ERC1: variants seen among roughly 807,000 people sequenced by gnomAD.
ERC1 encodes the protein RAB6 interacting protein 2.
A neutral mutation model predicts 132.0 loss-of-function variants in ERC1; 56 were observed. That is an observed-to-expected ratio of 0.42 (90% CI 0.34 to 0.53). The LOEUF (loss-of-function observed/expected upper bound fraction) is 0.53. Among genes scored for constraint, ERC1 ranks in the 20% least tolerant of loss-of-function variants. The pLI, the probability that ERC1 is intolerant of heterozygous loss-of-function variation, is 0.03. For missense variants in ERC1, 1,202 were observed against 1,349.9 expected (o/e 0.89, Z 1.72); for synonymous variants, 478 against 476.1 (o/e 1.00, Z -0.05).
intron 2 of ERC1, among the ~76,000 whole-genome samples, chr12:1,033,097 C>T (rs972176665): frequency 3.3e-5 from 5 of 150,736 alleles, no homozygotes; most frequent in Non-Finnish European, 5.9e-5. Flanking sequence ...AGTGTGGTGG[C>T]GTGATCTCGG....
intron 16 of ERC1, among the ~76,000 whole-genome samples, chr12:1,407,243 C>G (rs997208507): frequency 6.6e-6 from 1 of 151,844 alleles, no homozygotes; most frequent in Non-Finnish European, 1.5e-5. Context: ...TTTTAAGACT[C>G]GAATTGTTTA....
intron 8 of ERC1, among the ~76,000 whole-genome samples, chr12:1,166,076 T>A (rs61914298): frequency 0.2 from 30,498 of 152,080 alleles, 3,627 homozygotes; most frequent in Non-Finnish European, 0.27. Context: ...GGGATATTGG[T>A]TTTGAAATGT....
intron 8 of ERC1, among the ~76,000 whole-genome samples, chr12:1,164,133 G>T (rs1403115323): frequency 1.3e-5 from 2 of 152,192 alleles, no homozygotes; most frequent in African/African-American, 4.8e-5. Context: ...AGAAGCAGAA[G>T]CTGCTTGGTC....
At chr12:1,444,422 T>C (rs944989450) in intron 17 of ERC1, 140 bp from the exon 18 acceptor site, 1 of 596,048 alleles carries the variant, frequency 1.7e-6, no homozygotes, top group East Asian at 2.9e-5. Context: ...TCCTGAAGAT[T>C]TCAGTAGTGA....
intron 13 of ERC1, among the ~76,000 whole-genome samples, chr12:1,256,259 A>G (rs1002566123): frequency 4.7e-5 from 7 of 147,906 alleles, no homozygotes; most frequent in African/African-American, 1.5e-4. Flanking sequence ...GTAATTTAAA[A>G]TTAGACTCTG....
chr12:1,112,350 C>CA, intron 6 of ERC1, 52 bp downstream of exon 6: 13 of 1,317,498 alleles, frequency 9.9e-6, no homozygotes, highest in Non-Finnish European at 1.3e-5. Flanking sequence ...ACAGTGGGAC[C>CA]CTGCTAGCTC....
chr12:1,034,409 C>T (rs933704121), intron 2 of ERC1, among the ~76,000 whole-genome samples: 7 of 151,370 alleles, frequency 4.6e-5, no homozygotes, highest in African/African-American at 7.3e-5. Context: ...GACCTTGTCT[C>T]TTAAAAATAA....
chr12:1,153,005 G>A (rs1272493063), intron 8 of ERC1: 1 of 152,298 alleles, frequency 6.6e-6, no homozygotes, highest in African/African-American at 2.4e-5. Flanking sequence ...TAGTATCGAG[G>A]GATCCGTTGG....
chr12:1,199,629 T>A (rs1006245925), intron 12 of ERC1, among the ~76,000 whole-genome samples: 11 of 151,204 alleles, frequency 7.3e-5, no homozygotes, highest in African/African-American at 2.7e-4. Context: ...AAAAAAAAAA[T>A]TAGCCGGGCA....
At chr12:1,381,100 C>T (rs140269961) in intron 16 of ERC1, 1 of 152,202 alleles carries the variant, frequency 6.6e-6, no homozygotes, top group African/African-American at 2.4e-5. Context: ...CAAAACACAT[C>T]TGTGTTAGGC....
chr12:1,424,860 AGATC>A (rs1241637517), intron 17 of ERC1, among the ~76,000 whole-genome samples: 5,358 of 106,174 alleles, frequency 0.05, 107 homozygotes, highest in African/African-American at 0.059. Context: ...ATAGATAGAT[AGATC>A]GATAGATAGA....
chr12:1,409,551 TATA>T (rs748907419), intron 17 of ERC1, among the ~76,000 whole-genome samples: 11 of 152,294 alleles, frequency 7.2e-5, no homozygotes, highest in Non-Finnish European at 1.0e-4. Flanking sequence ...AGAAAAGAAG[TATA>T]ATGACAAACT....
intron 8 of ERC1, among the ~76,000 whole-genome samples, chr12:1,169,047 A>C (rs927232705): frequency 2.6e-5 from 4 of 152,226 alleles, no homozygotes; most frequent in African/African-American, 9.6e-5. Context: ...TCTATGGAAC[A>C]ACCAAGTTGG....
At chr12:1,391,352 T>C (rs2089942683) in intron 16 of ERC1, 1 of 152,230 alleles carries the variant, frequency 6.6e-6, no homozygotes, top group Non-Finnish European at 1.5e-5. Flanking sequence ...AGATGGGTAT[T>C]CATGTCCCCA....
At chr12:1,277,529 C>T (rs1269576119) in intron 14 of ERC1, among the ~76,000 whole-genome samples, 1 of 152,106 alleles carries the variant, frequency 6.6e-6, no homozygotes, top group Non-Finnish European at 1.5e-5. Context: ...CTTAACATAT[C>T]CTAAATTCAT....
chr12:1,426,930 C>G (rs1312571018), intron 17 of ERC1, among the ~76,000 whole-genome samples: 3 of 152,026 alleles, frequency 2.0e-5, no homozygotes, highest in Non-Finnish European at 4.4e-5. Context: ...TCCTTCAAAA[C>G]AGCTGTGTCT....
At chr12:1,162,010 G>T (rs957127300) in intron 8 of ERC1, among the ~76,000 whole-genome samples, 2 of 152,110 alleles carry the variant, frequency 1.3e-5, no homozygotes, top group Non-Finnish European at 2.9e-5. Context: ...TATGGTAATC[G>T]CTGGGTTATA....
At chr12:1,427,588 G>A (rs187320475) in intron 17 of ERC1, among the ~76,000 whole-genome samples, 4 of 152,170 alleles carry the variant, frequency 2.6e-5, no homozygotes, top group East Asian at 1.9e-4. Context: ...CCTACAGGGC[G>A]TTTGTATTAT....
intron 7 of ERC1, among the ~76,000 whole-genome samples, chr12:1,137,889 A>G (rs975249983): frequency 5.6e-5 from 8 of 142,388 alleles, no homozygotes; most frequent in African/African-American, 2.1e-4. Context: ...AATATGTTAC[A>G]TATTATGTAT....
Sources: gnomAD v4.1 joint callset for allele counts (sites outside exome capture counted in the v4.1 genomes callset) on GRCh38, gnomAD v4.1.1 for gene constraint, MANE v1.5 for transcripts, NCBI Gene and HGNC (gene_info 2026-07-23, HGNC 2026-07-21) for gene names.